The following FAM163A variants were observed in gnomAD, a reference collection of about 807,000 sequenced individuals.
FAM163A encodes the protein protein FAM163A.
A neutral mutation model predicts 12.0 loss-of-function variants in FAM163A; 7 were observed. The observed-to-expected ratio is 0.58, with a 90% CI of 0.33 to 1.10. FAM163A has a LOEUF of 1.10. Among genes scored for constraint, FAM163A ranks in the 50% least tolerant of loss-of-function variants. The pLI is 0.03. For synonymous variants in FAM163A, 101 were observed against 91.0 expected, an observed-to-expected ratio of 1.11 and a Z score of -0.62; for missense variants, 202 against 218.6, an observed-to-expected ratio of 0.92 and a Z score of 0.48.
At chr1:179,778,735 C>A (rs1002092378) in intron 1 of FAM163A, among the ~76,000 whole-genome samples, 1 of 151,836 alleles carries the variant, frequency 6.6e-6, no homozygotes, top group Non-Finnish European at 1.5e-5. Context: ...CAAAGGCCTG[C>A]AGTGGTGTGC....
At chr1:179,762,909 T>A (rs1249786516) in intron 1 of FAM163A, among the ~76,000 whole-genome samples, 2 of 152,206 alleles carry the variant, frequency 1.3e-5, no homozygotes, top group Non-Finnish European at 2.9e-5. Flanking sequence ...TCCTTCTGCT[T>A]TTCAGAGTTC....
At chr1:179,758,236 ATCTC>A (rs1217375404) in intron 1 of FAM163A, among the ~76,000 whole-genome samples, 1 of 152,204 alleles carries the variant, frequency 6.6e-6, no homozygotes, top group African/African-American at 2.4e-5. Context: ...CTGTGGGAGA[ATCTC>A]TAAGCACAAA....
chr1:179,813,912 T>G lies in FAM163A; in HGVS notation c.227T>G (p.Leu76Arg). The change falls in exon 5 of 5, where the codon CTG becomes CGG. Residue 76 changes from leucine to arginine, a missense_variant. Transcript: ENST00000341785. ...SSQALDGRGS[L>R]APLTSEPCSQ... ...CAAGCCCTGGACGGCAGAGGCAGCC[T>G]GGCGCCTCTCACCAGCGAGCCCTGC... 2 of 1,613,746 alleles carry G rather than the reference T, an allele frequency of 1.2e-6. No individual in the cohort carries two copies. The highest frequency in any genetic ancestry group is 2.2e-5 in the South Asian group (2 of 91,072).
At chr1:179,743,579 C>T (rs115873800) in intron 1 of FAM163A, among the ~76,000 whole-genome samples, 156 bp downstream of exon 1, 1,571 of 152,250 alleles carry the variant, frequency 0.01, 25 homozygotes, top group African/African-American at 0.036. Flanking sequence ...AAGCGCGCCC[C>T]GGCTGCCTCC....
chr1:179,761,536 G>A (rs1255941071), intron 1 of FAM163A, among the ~76,000 whole-genome samples: 1 of 152,224 alleles, frequency 6.6e-6, no homozygotes, highest in Non-Finnish European at 1.5e-5. Flanking sequence ...CTTGATGTCT[G>A]TGTCTTTATT....
At chr1:179,805,666 C>T (rs1256325666) in intron 1 of FAM163A, among the ~76,000 whole-genome samples, 1 of 152,194 alleles carries the variant, frequency 6.6e-6, no homozygotes, top group Non-Finnish European at 1.5e-5. Flanking sequence ...GAGGTGGGCC[C>T]CCACACGTCC....
intron 1 of FAM163A, among the ~76,000 whole-genome samples, chr1:179,799,576 AT>A (rs1692862437): frequency 6.6e-6 from 1 of 152,208 alleles, no homozygotes. Flanking sequence ...TAAACTTAAT[AT>A]TTTCTGTAAA....
rs144031171 is a variant in FAM163A at position 179,773,635 on chromosome 1, A to G, written c.-136+30212A>G. ...GTAAACCTAACCCATTCCCCGCTGT[A>G]AGCAGTCCAAGGTTCTTAGCATAAT... is the stretch of plus-strand genomic sequence containing the variant. On this transcript the variant is annotated intron_variant, in intron 1 of 4. Transcript: ENST00000341785. 7.4e-4 allele frequency among the ~76,000 whole-genome samples: 112 copies of G among 152,340 alleles called. 1 individual carries two copies. Among genetic ancestry groups the G allele is most frequent in the African/African-American group, 2.6e-3 (110 of 41,578 alleles).
intron 1 of FAM163A, among the ~76,000 whole-genome samples, chr1:179,786,232 C>G (rs573111355): frequency 5.4e-4 from 83 of 152,330 alleles, no homozygotes; most frequent in African/African-American, 1.8e-3. Flanking sequence ...CAGGCCCTAA[C>G]CTGGAGTGGA....
chr1:179,791,081 C>T (rs781138203), intron 1 of FAM163A, among the ~76,000 whole-genome samples: 2 of 152,314 alleles, frequency 1.3e-5, no homozygotes, highest in East Asian at 1.9e-4. Context: ...GCTCAATCAT[C>T]CAGCCTAGGT....
At chr1:179,812,181 C>T (rs1694788176) in intron 3 of FAM163A, 50 bp downstream of exon 3, 1 of 152,682 alleles carries the variant, frequency 6.5e-6, no homozygotes, top group Non-Finnish European at 1.5e-5. Flanking sequence ...ACTTCCCATT[C>T]CCCACCCTCC....
intron 2 of FAM163A, among the ~76,000 whole-genome samples, chr1:179,811,799 T>C (rs1173861614): frequency 6.6e-6 from 1 of 152,128 alleles, no homozygotes; most frequent in Non-Finnish European, 1.5e-5. Flanking sequence ...TCGGGACAGC[T>C]CTGGTGGAGC....
chr1:179,760,112 A>ATG (rs1686611524), intron 1 of FAM163A, among the ~76,000 whole-genome samples: 1 of 152,216 alleles, frequency 6.6e-6, no homozygotes, highest in African/African-American at 2.4e-5. Context: ...GAAGATGGTT[A>ATG]TGGCGGTCCA....
Position 179,813,084 on chromosome 1 carries a change from G to C in FAM163A, c.-14G>C. On this transcript the variant is annotated 5_prime_UTR_variant, in exon 4 of 5. The change abolishes an upstream ATG in the 5' untranslated region. Transcript: ENST00000341785. Reference sequence around the variant, plus strand: ...TCCGCACATCTTTGCAGAGTTTGATGGGGCGCCGGGCGGATGACAGCGGGA... The same window carrying C: ...TCCGCACATCTTTGCAGAGTTTGATCGGGCGCCGGGCGGATGACAGCGGGA... The C allele has an allele frequency of 6.4e-7, 1 of 1,551,618 alleles. No homozygotes were observed. Among genetic ancestry groups the C allele is most frequent in the Non-Finnish European group, 8.7e-7 (1 of 1,146,944 alleles).
In FAM163A at chr1:179,814,499, C is replaced by A; in HGVS notation, c.*310C>A. 1 of 301,658 alleles carries A rather than the reference C, an allele frequency of 3.3e-6. No individual in the cohort carries two copies. The highest frequency in any genetic ancestry group is 6.2e-6 in the Non-Finnish European group (1 of 162,588). The allele number at this position is 301,658 out of a possible 1,614,324, so 18.7% of individuals were successfully genotyped here. A position where few individuals can be genotyped will look rare whatever the true frequency, so the allele number is the denominator to read the frequency against. On this transcript the variant is annotated 3_prime_UTR_variant, in exon 5 of 5. Transcript: ENST00000341785. ...ACAACCCCTTGCAGTGTGCCCCAGTCCCCTGGATTCGCTGGACTGCAAAAA... is the reference window on the plus strand; with the variant it reads ...ACAACCCCTTGCAGTGTGCCCCAGTACCCTGGATTCGCTGGACTGCAAAAA...
In FAM163A at chr1:179,813,912, T is replaced by C. The variant is rs1440691850; in HGVS notation, c.227T>C (p.Leu76Pro). 3 of 1,613,628 alleles carry C rather than the reference T, an allele frequency of 1.9e-6. No homozygotes were observed. Among genetic ancestry groups the C allele is most frequent in the African/African-American group, 2.7e-5 (2 of 74,912 alleles). The change falls in exon 5 of 5, where the codon CTG becomes CCG. Residue 76 changes from leucine to proline, a missense_variant. Physicochemically the swap from Leu to Pro is moderately conservative, Grantham distance 98. Coordinates refer to ENST00000341785, the MANE Select transcript of FAM163A (RefSeq NM_173509.3). ...CAAGCCCTGGACGGCAGAGGCAGCC[T>C]GGCGCCTCTCACCAGCGAGCCCTGC... ...SSQALDGRGS[L>P]APLTSEPCSQ...
At chr1:179,805,827 G>A (rs1693856628) in intron 1 of FAM163A, among the ~76,000 whole-genome samples, 1 of 152,198 alleles carries the variant, frequency 6.6e-6, no homozygotes, top group Non-Finnish European at 1.5e-5. Context: ...AAATGTTTTT[G>A]TGGGCTCTCC....
chr1:179,739,829 G>A (rs1403972757), upstream of FAM163A, among the ~76,000 whole-genome samples: 3 of 152,234 alleles, frequency 2.0e-5, no homozygotes, highest in Non-Finnish European at 4.4e-5. Context: ...GTAGTCATTA[G>A]AGGAATGGAA....
chr1:179,772,643 A>G (rs1445177350), intron 1 of FAM163A, among the ~76,000 whole-genome samples: 1 of 152,170 alleles, frequency 6.6e-6, no homozygotes, highest in East Asian at 1.9e-4. Flanking sequence ...GACCTAAGAC[A>G]CTTTGTTGTA....
Sources: allele counts gnomAD v4.1 joint callset (sites outside exome capture counted in the v4.1 genomes callset), GRCh38; gene constraint gnomAD v4.1.1; transcripts MANE v1.5; gene names NCBI Gene and HGNC (gene_info 2026-07-23, HGNC 2026-07-21).